The following EPB41L4A variants were observed in gnomAD, a reference collection of about 807,000 sequenced individuals.
The protein encoded by EPB41L4A is erythrocyte membrane protein band 4.1 like 4A, also known as band 4.1-like protein 4A.
EPB41L4A carries 100 observed loss-of-function variants against 108.6 expected under a neutral mutation model. The ratio of observed to expected loss-of-function variants is 0.92; its 90% CI spans 0.78 to 1.09. EPB41L4A has a LOEUF of 1.09. EPB41L4A is among the 50% of genes least tolerant of loss of function. The probability of loss-of-function intolerance (pLI) is 0.00; values close to 1 mark genes in which losing one functional copy is unlikely to be tolerated. For missense variants in EPB41L4A, 1,030 were observed against 842.7 expected (o/e 1.22, Z -2.75); for synonymous variants, 319 against 289.0 (o/e 1.10, Z -1.05).
chr5:112,280,995 A>T (rs1441918485), intron 2 of EPB41L4A, among the ~76,000 whole-genome samples: 2 of 152,214 alleles, frequency 1.3e-5, no homozygotes, highest in Non-Finnish European at 2.9e-5. Context: ...AGTTCAGCAC[A>T]GTGGCTGAGG....
At chr5:112,388,242 C>A (rs1760691027) in intron 1 of EPB41L4A, among the ~76,000 whole-genome samples, 1 of 152,134 alleles carries the variant, frequency 6.6e-6, no homozygotes, top group East Asian at 1.9e-4. Flanking sequence ...CAGTTAAGGT[C>A]ACAGTTTAAA....
rs557184470 is a variant in EPB41L4A at position 112,230,813 on chromosome 5, A to G, written c.1087+3821T>C. On this transcript the variant is annotated intron_variant, in intron 12 of 22. Coordinates refer to ENST00000261486, the MANE Select transcript of EPB41L4A (RefSeq NM_022140.5). ...AACAGCTTTGCCTAAGCCAATGTCT[A>G]GAAGAGTTTTACCGATGTTATCTTC... Among the ~76,000 whole-genome samples, 8 of 152,268 alleles carry G rather than the reference A, an allele frequency of 5.3e-5. No homozygotes were observed. In the East Asian group the frequency reaches 1.5e-3, roughly 29 times the overall value.
intron 1 of EPB41L4A, among the ~76,000 whole-genome samples, chr5:112,398,126 C>G (rs1761488099): frequency 6.6e-6 from 1 of 152,192 alleles, no homozygotes; most frequent in African/African-American, 2.4e-5. Context: ...AAGAGGATCA[C>G]ACAGCTTTCG....
chr5:112,231,778 C>G (rs1167423163), intron 12 of EPB41L4A, among the ~76,000 whole-genome samples: 1 of 104,088 alleles, frequency 9.6e-6, no homozygotes, highest in East Asian at 3.1e-4. Flanking sequence ...GGCGACAGAG[C>G]TAGACTCCGT....
intron 2 of EPB41L4A, among the ~76,000 whole-genome samples, chr5:112,280,954 A>T (rs1752928263): frequency 6.6e-6 from 1 of 152,134 alleles, no homozygotes; most frequent in Non-Finnish European, 1.5e-5. Flanking sequence ...GGAAGAAAGC[A>T]ATCAAATCGT....
intron 2 of EPB41L4A, among the ~76,000 whole-genome samples, chr5:112,299,383 G>A (rs1310006134): frequency 6.6e-6 from 1 of 152,040 alleles, no homozygotes; most frequent in Non-Finnish European, 1.5e-5. Context: ...TTCCACTATG[G>A]TCTGAGAGAG....
chr5:112,209,801 C>A, intron 13 of EPB41L4A, 91 bp downstream of exon 13: 1 of 713,358 alleles, frequency 1.4e-6, no homozygotes, highest in South Asian at 2.0e-5. Context: ...CATTAATCAT[C>A]AAAGTTAAAA....
rs1489348041 is a variant in EPB41L4A at position 112,170,974 on chromosome 5, T to C, written c.1641A>G (p.Gln547=). 1 of 1,613,858 alleles carries C rather than the reference T, an allele frequency of 6.2e-7. No individual in the cohort carries two copies. The highest frequency in any genetic ancestry group is 1.7e-5 in the Admixed American group (1 of 60,024). The change falls in exon 19 of 23, where the codon CAA becomes CAG. Residue 547 remains glutamine, a synonymous_variant. Coordinates refer to ENST00000261486, the MANE Select transcript of EPB41L4A (RefSeq NM_022140.5). ...TGTGCTTCCATAACTCTTCTTTTGC[T>C]TGGATATCGGGGCTTCTCCTATAAA... ...HRSRSRSPDI[Q]AKEELWKHIQ... is the part of the protein sequence containing the mutation.
At chr5:112,369,350 A>T (rs965345734) in intron 1 of EPB41L4A, among the ~76,000 whole-genome samples, 3 of 152,154 alleles carry the variant, frequency 2.0e-5, no homozygotes, top group Non-Finnish European at 4.4e-5. Flanking sequence ...AAGCCCACTC[A>T]TTTCACTTCC....
intron 12 of EPB41L4A, among the ~76,000 whole-genome samples, chr5:112,220,545 C>T (rs1747973636): frequency 6.6e-6 from 1 of 152,154 alleles, no homozygotes; most frequent in African/African-American, 2.4e-5. Flanking sequence ...CAGGAATATG[C>T]CTTTTAGAAA....
At chr5:112,281,503 G>C (rs913112454) in intron 2 of EPB41L4A, among the ~76,000 whole-genome samples, 12 of 152,198 alleles carry the variant, frequency 7.9e-5, no homozygotes, top group African/African-American at 2.7e-4. Flanking sequence ...GGAGGGCAGA[G>C]ATGGAATCGC....
chr5:112,280,271 C>CTGT lies in EPB41L4A; in HGVS notation c.254_256dup (p.Asn85dup). The CTGT allele has an allele frequency of 2.5e-6, 4 of 1,613,512 alleles. No homozygotes were observed. The highest frequency in any genetic ancestry group is 3.4e-6 in the Non-Finnish European group (4 of 1,179,470). ...TAACAAAGTAAAAGCTAAATACCTA[C>CTGT]TGTTGATCAGTTCTTTGTGTTCAGC... On this transcript the variant is annotated inframe_insertion and splice_region_variant. Coordinates refer to ENST00000261486, the MANE Select transcript of EPB41L4A (RefSeq NM_022140.5).
At chr5:112,306,017 A>G (rs1186422337) in intron 2 of EPB41L4A, among the ~76,000 whole-genome samples, 10 of 152,072 alleles carry the variant, frequency 6.6e-5, no homozygotes, top group Non-Finnish European at 1.2e-4. Flanking sequence ...AGCTTTTCAC[A>G]TTTTTCCTTT....
At chr5:112,362,913 T>A (rs971852488) in intron 1 of EPB41L4A, among the ~76,000 whole-genome samples, 10 of 88,550 alleles carry the variant, frequency 1.1e-4, no homozygotes, top group Non-Finnish European at 2.2e-4. Flanking sequence ...ATTTGATTAT[T>A]ATTATTTTTT....
intron 18 of EPB41L4A, among the ~76,000 whole-genome samples, chr5:112,179,102 T>C (rs1380227561): frequency 6.6e-6 from 1 of 152,004 alleles, no homozygotes; most frequent in Non-Finnish European, 1.5e-5. Context: ...ATTTGACAAC[T>C]TAGATAAAAA....
intron 2 of EPB41L4A, among the ~76,000 whole-genome samples, chr5:112,292,810 A>T (rs1412446318): frequency 1.3e-5 from 2 of 152,176 alleles, no homozygotes; most frequent in Non-Finnish European, 2.9e-5. Context: ...TTAAAAAAAA[A>T]CTAGTTTTCT....
chr5:112,296,722 T>G (rs746527878), intron 2 of EPB41L4A, among the ~76,000 whole-genome samples: 1 of 152,204 alleles, frequency 6.6e-6, no homozygotes, highest in Non-Finnish European at 1.5e-5. Flanking sequence ...CAGTATACAC[T>G]GAAGCCAATT....
intron 15 of EPB41L4A, among the ~76,000 whole-genome samples, chr5:112,199,804 T>C (rs10515441): frequency 0.093 from 14,152 of 152,258 alleles, 754 homozygotes; most frequent in Middle Eastern, 0.14. Context: ...CTCCTACCAA[T>C]TTTACCTCTC....
At chr5:112,148,682 T>G (rs6898536) in intron 12 of EPB41L4A, among the ~76,000 whole-genome samples, 27,965 of 152,206 alleles carry the variant, frequency 0.18, 2,948 homozygotes, top group African/African-American at 0.3. Context: ...AGTAAGTTTT[T>G]TTTACAATAA....
Sources: gnomAD v4.1 joint callset for allele counts (sites outside exome capture counted in the v4.1 genomes callset) on GRCh38, gnomAD v4.1.1 for gene constraint, MANE v1.5 for transcripts, NCBI Gene and HGNC (gene_info 2026-07-23, HGNC 2026-07-21) for gene names.